CPM: variants seen among roughly 807,000 people sequenced by gnomAD.
CPM encodes the protein carboxypeptidase M.
A neutral mutation model predicts 46.4 loss-of-function variants in CPM; 35 were observed. That is an observed-to-expected ratio of 0.75 (90% confidence interval 0.58 to 1.00). CPM has a LOEUF of 1.00. Among genes scored for constraint, CPM ranks in the 50% least tolerant of loss-of-function variants. The pLI, the probability that CPM is intolerant of heterozygous loss-of-function variation, is 0.00. For missense variants in CPM, 422 were observed against 530.4 expected (o/e 0.80, Z 2.01); for synonymous variants, 195 against 195.3 (o/e 1.00, Z 0.01).
At chr12:68,846,202 C>G (rs1490156540), downstream of CPM, 2 of 152,170 alleles carry the variant, frequency 1.3e-5, no homozygotes, top group African/African-American at 2.4e-5. Flanking sequence ...ATCCGCCCAC[C>G]TCGGCCTCCC....
intron 2 of CPM, among the ~76,000 whole-genome samples, chr12:68,916,182 G>C (rs528791340): frequency 1.3e-5 from 2 of 152,102 alleles, no homozygotes; most frequent in African/African-American, 2.4e-5. Context: ...CTAGGTATCT[G>C]TTCCTTAATA....
intron 7 of CPM, among the ~76,000 whole-genome samples, chr12:68,866,645 G>A (rs1445220021): frequency 3.3e-5 from 5 of 152,106 alleles, no homozygotes; most frequent in Non-Finnish European, 2.9e-5. Context: ...CGACCACCTG[G>A]TACTCTGGAT....
chr12:68,961,612 A>G (rs2136341407), intron 1 of CPM, among the ~76,000 whole-genome samples: 1 of 152,270 alleles, frequency 6.6e-6, no homozygotes, highest in South Asian at 2.1e-4. Flanking sequence ...TATTTTAAAA[A>G]CAACTGTATA....
intron 3 of CPM, among the ~76,000 whole-genome samples, chr12:68,880,699 G>T (rs1283018021): frequency 6.6e-6 from 1 of 152,180 alleles, no homozygotes; most frequent in African/African-American, 2.4e-5. Flanking sequence ...ATAAACCTGG[G>T]CCCCCTTCAT....
intron 1 of CPM, among the ~76,000 whole-genome samples, chr12:68,945,724 C>T (rs1888835225): frequency 6.6e-6 from 1 of 152,132 alleles, no homozygotes; most frequent in South Asian, 2.1e-4. Context: ...CCTTGCAGAA[C>T]TGATCTGAAG....
At chr12:68,919,061 C>G (rs1198205975) in intron 2 of CPM, among the ~76,000 whole-genome samples, 1 of 152,196 alleles carries the variant, frequency 6.6e-6, no homozygotes, top group Non-Finnish European at 1.5e-5. Context: ...CTACTCTTTC[C>G]ACCTCGAGGC....
chr12:68,911,744 T>G (rs1050580033), intron 2 of CPM, among the ~76,000 whole-genome samples: 21 of 152,300 alleles, frequency 1.4e-4, no homozygotes, highest in African/African-American at 5.1e-4. Flanking sequence ...TTTAGCCCTC[T>G]CGACAACCTA....
At chr12:68,935,451 T>C (rs1260607205), upstream of CPM, among the ~76,000 whole-genome samples, 1 of 151,520 alleles carries the variant, frequency 6.6e-6, no homozygotes, top group East Asian at 2.0e-4. Context: ...ACACCACACA[T>C]GCCTAACTTC....
At position 68,932,827 on chromosome 12, in the gene CPM, G is replaced by T; in HGVS notation, c.11C>A (p.Pro4Gln). The change falls in exon 2 of 9, where the codon CCG becomes CAG. Residue 4 changes from proline (P) to glutamine (Q), a missense_variant. Pro to Gln is a moderately conservative substitution (Grantham distance 76). Coordinates refer to ENST00000551568, the MANE Select transcript of CPM (RefSeq NM_198320.5). Reference sequence around the variant, plus strand: ...CAGCAACAGCCCTAGCCAGAGGCACGGGAAGTCCATGTTCTAGAGATGAAT... The same window carrying T: ...CAGCAACAGCCCTAGCCAGAGGCACTGGAAGTCCATGTTCTAGAGATGAAT... MDF[P>Q]CLWLGLLLPL... The T allele has an allele frequency of 6.2e-7, 1 of 1,614,056 alleles. No homozygotes were observed. Among genetic ancestry groups the T allele is most frequent in the Non-Finnish European group, 8.5e-7 (1 of 1,179,986 alleles).
chr12:68,875,896 T>A (rs1180288685), intron 3 of CPM, among the ~76,000 whole-genome samples: 1 of 152,160 alleles, frequency 6.6e-6, no homozygotes, highest in Non-Finnish European at 1.5e-5. Context: ...TCACTTCAGT[T>A]TTATTCTTCT....
Position 68,855,825 on chromosome 12 carries a change from G to A in CPM, c.*612C>T, listed in dbSNP as rs1234860433. ...ACTATCTCGGCTCACTGCAAACTCC[G>A]CCTCTAGGGTTCAAGCGATTCTCCT... is the stretch of plus-strand genomic sequence containing the variant. On this transcript the variant is annotated 3_prime_UTR_variant, in exon 9 of 9. Transcript: ENST00000551568. The A allele has an allele frequency of 6.6e-6, 1 of 150,904 alleles. No homozygotes were observed. Among genetic ancestry groups the A allele is most frequent in the African/African-American group, 2.5e-5 (1 of 40,688 alleles). The allele number at this position is 150,904 out of a possible 1,614,324, so 9.3% of individuals were successfully genotyped here.
intron 4 of CPM, among the ~76,000 whole-genome samples, chr12:68,871,051 A>T (rs559500712): frequency 4.6e-5 from 7 of 152,366 alleles, no homozygotes; most frequent in Non-Finnish European, 4.4e-5. Context: ...GCAAACACAT[A>T]TATGTAAATT....
At chr12:68,872,393 C>T (rs1331392791) in intron 3 of CPM, among the ~76,000 whole-genome samples, 3 of 151,486 alleles carry the variant, frequency 2.0e-5, no homozygotes, top group Non-Finnish European at 4.4e-5. Context: ...GCTGGGATTA[C>T]AGGCGTGTGC....
At chr12:68,880,053 C>T (rs1373008962) in intron 3 of CPM, among the ~76,000 whole-genome samples, 1 of 151,788 alleles carries the variant, frequency 6.6e-6, no homozygotes, top group Non-Finnish European at 1.5e-5. Flanking sequence ...CTGTAGCATA[C>T]AGGAATGGCA....
chr12:68,928,056 T>G (rs1266041131), intron 2 of CPM, among the ~76,000 whole-genome samples: 1 of 152,214 alleles, frequency 6.6e-6, no homozygotes, highest in Non-Finnish European at 1.5e-5. Flanking sequence ...AGAGCCCGCA[T>G]TGCCAAGTCA....
intron 2 of CPM, among the ~76,000 whole-genome samples, chr12:68,926,500 C>A (rs1364380720): frequency 6.6e-6 from 1 of 152,050 alleles, no homozygotes; most frequent in Non-Finnish European, 1.5e-5. Context: ...TACTAATGAC[C>A]TCAACTTCCA....
chr12:68,870,237 G>GT lies in CPM; in HGVS notation c.593dup (p.Tyr198Ter). 6.2e-7 allele frequency: 1 copy of GT among 1,613,902 alleles called. No individual in the cohort carries two copies. The highest frequency in any genetic ancestry group is 8.5e-7 in the Non-Finnish European group (1 of 1,179,942). The change falls in exon 5 of 9, where the codon TAC becomes TAAC. Residue 198 changes from tyrosine to a stop codon, truncating the protein, a stop_gained and frameshift_variant. Transcript: ENST00000551568. LOFTEE classifies it high-confidence loss of function. Reference protein sequence around the residue: ...NLHGGALVASYPFDNGVQATG... With the variant: ...NLHGGALVAS Reference sequence around the variant, plus strand: ...TACCTTGAACACCATTATCAAATGGGTAACTGGCCACGAGGGCACCACCAT... The same window carrying GT: ...TACCTTGAACACCATTATCAAATGGGTTAACTGGCCACGAGGGCACCACCAT...
At chr12:68,942,711 A>G (rs560514201) in intron 1 of CPM, among the ~76,000 whole-genome samples, 2 of 152,330 alleles carry the variant, frequency 1.3e-5, no homozygotes, top group African/African-American at 4.8e-5. Flanking sequence ...CACATGTTCA[A>G]AGAAACCTGT....
intron 2 of CPM, among the ~76,000 whole-genome samples, chr12:68,929,196 T>G (rs1426442929): frequency 6.6e-6 from 1 of 152,174 alleles, no homozygotes; most frequent in Non-Finnish European, 1.5e-5. Flanking sequence ...GAGACTACCC[T>G]GAGAAATTCA....
Sources: allele counts gnomAD v4.1 joint callset (sites outside exome capture counted in the v4.1 genomes callset), GRCh38; gene constraint gnomAD v4.1.1; transcripts MANE v1.5; gene names NCBI Gene and HGNC (gene_info 2026-07-23, HGNC 2026-07-21).